SERPINF1: variants seen among roughly 807,000 people sequenced by gnomAD.
The protein encoded by SERPINF1 is pigment epithelium-derived factor.
A neutral mutation model predicts 37.3 loss-of-function variants in SERPINF1; 29 were observed. The observed-to-expected ratio is 0.78, with a 90% CI of 0.58 to 1.06. SERPINF1 has a LOEUF of 1.06. Among genes scored for constraint, SERPINF1 ranks in the 50% least tolerant of loss-of-function variants. The probability of loss-of-function intolerance (pLI) is 0.00; values close to 1 mark genes in which losing one functional copy is unlikely to be tolerated. For missense variants in SERPINF1, 553 were observed against 532.2 expected (o/e 1.04, Z -0.38); for synonymous variants, 281 against 227.9 (o/e 1.23, Z -2.10).
rs1908043575 is a variant in SERPINF1 at position 1,776,594 on chromosome 17, C to T, written c.849C>T (p.Thr283=). The part of the protein sequence containing the change: ...SIIFFLPLKV[T]QNLTLIEESL... The stretch of plus-strand genomic sequence containing the variant: ...TCTTCTTCCTGCCCCTGAAAGTGAC[C>T]CAGAATTTGACCTTGATAGAGGAGA... The change falls in exon 7 of 8, where the codon ACC becomes ACT. Residue 283 remains threonine (T), a synonymous_variant. Transcript: ENST00000254722. The T allele has an allele frequency of 6.2e-7, 1 of 1,613,820 alleles. No homozygotes were observed. Among genetic ancestry groups the T allele is most frequent in the South Asian group, 1.1e-5 (1 of 91,066 alleles).
chr17:1,771,779 GCGCTAAA>G (rs1907751601), intron 4 of SERPINF1, 86 bp from the exon 5 acceptor site: 1 of 1,251,844 alleles, frequency 8.0e-7, no homozygotes. Flanking sequence ...GGCCTGCTGA[GCGCTAAA>G]CCAGAACCCG....
intron 6 of SERPINF1, chr17:1,776,315 TAAG>T: frequency 3.3e-6 from 2 of 605,296 alleles, no homozygotes; most frequent in South Asian, 1.9e-5. Flanking sequence ...TAGGCCAAGG[TAAG>T]AAAGGCCAAC....
At position 1,777,223 on chromosome 17, in the gene SERPINF1, A is replaced by G; in HGVS notation, c.1034A>G (p.Lys345Arg). ...QSLFDSPDFS[K>R]ITGKPIKLTQ... ...TTGTTTGATTCACCAGACTTTAGCA[A>G]GATCACAGGCAAACCCATCAAGCTG... The change falls in exon 8 of 8, where the codon AAG becomes AGG. Residue 345 changes from lysine (K) to arginine (R), a missense_variant. Coordinates refer to ENST00000254722, the MANE Select transcript of SERPINF1 (RefSeq NM_002615.7). The G allele has an allele frequency of 6.2e-7, 1 of 1,614,146 alleles. No homozygotes were observed. The highest frequency in any genetic ancestry group is 1.1e-5 in the South Asian group (1 of 91,080).
intron 2 of SERPINF1, chr17:1,769,538 C>A (rs947951878): frequency 1.1e-5 from 5 of 446,638 alleles, no homozygotes. Flanking sequence ...GCAGGAAAAT[C>A]GCTTGAACCG....
At chr17:1,770,966 G>A in intron 3 of SERPINF1, 63 bp from the exon 4 acceptor site, 2 of 1,603,374 alleles carry the variant, frequency 1.2e-6, no homozygotes, top group Non-Finnish European at 1.7e-6. Flanking sequence ...TGTGTTCTGG[G>A]AGGGGGCTTG....
At position 1,775,094 on chromosome 17, in the gene SERPINF1, C is replaced by A. The variant is rs758077212; in HGVS notation, c.680C>A (p.Ser227Tyr). 7 of 1,614,056 alleles carry A rather than the reference C, an allele frequency of 4.3e-6. No individual in the cohort carries two copies. Among genetic ancestry groups the A allele is most frequent in the Non-Finnish European group, 5.9e-6 (7 of 1,180,002 alleles). The change falls in exon 6 of 8, where the codon TCC becomes TAC. Residue 227 changes from serine to tyrosine, a missense_variant. Ser to Tyr is a moderately radical substitution (Grantham distance 144). Transcript: ENST00000254722. ...WVTKFDSRKTSLEDFYLDEER... is the reference protein window; with the variant it reads ...WVTKFDSRKTYLEDFYLDEER... ...ACAAAGTTTGACTCCAGAAAGACTTCCCTCGAGGATTTCTACTTGGATGAA... is the reference window on the plus strand; with the variant it reads ...ACAAAGTTTGACTCCAGAAAGACTTACCTCGAGGATTTCTACTTGGATGAA...
At chr17:1,768,334 G>A (rs1181803696) in intron 2 of SERPINF1, among the ~76,000 whole-genome samples, 3 of 150,648 alleles carry the variant, frequency 2.0e-5, no homozygotes, top group East Asian at 3.9e-4. Flanking sequence ...GGGAGGCTGA[G>A]GCAGGAGAAT....
intron 3 of SERPINF1, chr17:1,770,811 A>G: frequency 3.5e-6 from 2 of 565,696 alleles, no homozygotes; most frequent in Non-Finnish European, 3.2e-6. Flanking sequence ...GGTACCTCTC[A>G]CTCCCTCACT....
intron 1 of SERPINF1, among the ~76,000 whole-genome samples, chr17:1,763,546 T>C (rs1907210818): frequency 6.6e-6 from 1 of 152,238 alleles, no homozygotes. Context: ...GCAACCACTG[T>C]GGACAGGGTA....
In SERPINF1 at chr17:1,775,134, G is replaced by C. The variant is rs1907949573; in HGVS notation, c.720G>C (p.Arg240Ser). 16 of 1,613,956 alleles carry C rather than the reference G, an allele frequency of 9.9e-6. No individual in the cohort carries two copies. Among genetic ancestry groups the C allele is most frequent in the African/African-American group, 2.7e-5 (2 of 74,876 alleles). The change falls in exon 6 of 8, where the codon AGG (arginine) becomes AGC (serine). Residue 240 changes from arginine to serine, a missense_variant. Transcript: ENST00000254722. ...ACTTGGATGAAGAGAGGACCGTGAG[G>C]GTCCCCATGATGTCGGACCCTAAGG... ...DFYLDEERTV[R>S]VPMMSDPKAV... is the part of the protein sequence containing the mutation.
intron 5 of SERPINF1, among the ~76,000 whole-genome samples, chr17:1,773,139 C>T (rs1019483778): frequency 1.3e-5 from 2 of 152,128 alleles, no homozygotes; most frequent in Non-Finnish European, 2.9e-5. Flanking sequence ...CAAGGCAAGG[C>T]GTGAATGTCT....
intron 1 of SERPINF1, among the ~76,000 whole-genome samples, chr17:1,764,586 T>C (rs532027383): frequency 6.6e-6 from 1 of 152,338 alleles, no homozygotes; most frequent in East Asian, 1.9e-4. Context: ...CGTCCTGCCT[T>C]AAGCTGAGTA....
chr17:1,775,561 T>C (rs1200849784), intron 6 of SERPINF1, among the ~76,000 whole-genome samples: 2 of 151,984 alleles, frequency 1.3e-5, no homozygotes, highest in Non-Finnish European at 2.9e-5. Flanking sequence ...TTTTTTTTTT[T>C]TGAGACAGTC....
At chr17:1,764,352 C>T (rs1021983916) in intron 1 of SERPINF1, among the ~76,000 whole-genome samples, 1 of 152,234 alleles carries the variant, frequency 6.6e-6, no homozygotes, top group African/African-American at 2.4e-5. Flanking sequence ...AGGCAGGCTC[C>T]TGGCAGCTGG....
Position 1,776,763 on chromosome 17 carries a change from G to A in SERPINF1, c.997+21G>A, listed in dbSNP as rs201271646. On this transcript the variant is annotated intron_variant, in intron 7 of 7. Transcript: ENST00000254722. ...GATGAGTATGTCTGAAGACCCTTTC[G>A]CTCTTGGTGGGTGGATGGGGTGGGG... 4.1e-5 allele frequency: 66 copies of A among 1,611,176 alleles called. 1 individual carries two copies. In the South Asian group the frequency reaches 4.8e-4, roughly 12 times the overall value.
At position 1,766,736 on chromosome 17, in the gene SERPINF1, G is replaced by T. The variant is rs79424054; in HGVS notation, c.-8-167G>T. On this transcript the variant is annotated intron_variant, in intron 1 of 7. Coordinates refer to ENST00000254722, the MANE Select transcript of SERPINF1 (RefSeq NM_002615.7). ...GGAGGGATGGGCCATCAAGCTGAGG[G>T]TCCACTTCTGGGGGCCTGGAGGGGT... 10,828 of 626,622 alleles carry T rather than the reference G, an allele frequency of 0.017. 135 individuals are homozygous for T. Among genetic ancestry groups the T allele is most frequent in the Non-Finnish European group, 0.022 (7,617 of 352,932 alleles). 38.8% of individuals were successfully genotyped at this position (626,622 alleles called of 1,614,324 possible). A position where few individuals can be genotyped will look rare whatever the true frequency, so the allele number is the denominator to read the frequency against.
intron 4 of SERPINF1, 76 bp downstream of exon 4, chr17:1,771,260 T>G: frequency 6.9e-7 from 1 of 1,443,534 alleles, no homozygotes; most frequent in Non-Finnish European, 9.3e-7. Flanking sequence ...CTTTTTTTTT[T>G]TTTTTTGAGA....
chr17:1,770,778 A>G lies in SERPINF1; in HGVS notation c.284-251A>G, dbSNP rs1907678808. ...CCTGGCCAGAATAATCTTAAGGGCT[A>G]TGATGGGAGAAGTACAGGGACTGGT... is the stretch of plus-strand genomic sequence containing the variant. On this transcript the variant is annotated intron_variant, in intron 3 of 7. Transcript: ENST00000254722. 5 of 471,896 alleles carry G rather than the reference A, an allele frequency of 1.1e-5. No individual in the cohort carries two copies. In the Admixed American group the frequency reaches 1.3e-4, roughly 12 times the overall value. The allele number at this position is 471,896 out of a possible 1,614,324, so 29.2% of individuals were successfully genotyped here.
intron 1 of SERPINF1, among the ~76,000 whole-genome samples, chr17:1,765,312 T>C (rs1351095230): frequency 6.6e-6 from 1 of 150,400 alleles, no homozygotes; most frequent in East Asian, 1.9e-4. Flanking sequence ...CTGGCTATTT[T>C]ATTTTATTTT....
Sources: allele counts gnomAD v4.1 joint callset (sites outside exome capture counted in the v4.1 genomes callset), GRCh38; gene constraint gnomAD v4.1.1; transcripts MANE v1.5; gene names NCBI Gene and HGNC (gene_info 2026-07-23, HGNC 2026-07-21).